Variants in ZNF18 observed in about 807,000 individuals in gnomAD.
ZNF18 encodes zinc finger protein 18, also known as heart development-specific gene 1 protein.
A neutral mutation model predicts 58.1 loss-of-function variants in ZNF18; 42 were observed. The observed-to-expected ratio is 0.72, with a 90% CI of 0.56 to 0.93. ZNF18 has a LOEUF of 0.93. Among genes scored for constraint, ZNF18 ranks in the 40% least tolerant of loss-of-function variants. The probability of loss-of-function intolerance (pLI) is 0.00; values close to 1 mark genes in which losing one functional copy is unlikely to be tolerated. For missense variants in ZNF18, 540 were observed against 644.2 expected, an observed-to-expected ratio of 0.84 and a Z score of 1.75; for synonymous variants, 231 against 239.8, an observed-to-expected ratio of 0.96 and a Z score of 0.34.
chr17:11,985,543 C>T (rs1323919747), intron 4 of ZNF18, among the ~76,000 whole-genome samples: 10 of 152,028 alleles, frequency 6.6e-5, no homozygotes, highest in Admixed American at 5.9e-4. Context: ...AGTATTTATC[C>T]ATTTATTAAC....
chr17:11,991,271 G>T, intron 2 of ZNF18, 108 bp from the exon 3 acceptor site: 2 of 1,066,282 alleles, frequency 1.9e-6, no homozygotes, highest in South Asian at 2.0e-5. Context: ...TTCTAAGGAT[G>T]TGGAGAAAGA....
chr17:12,020,813 C>T, the ZNF18 span: 2 of 642,156 alleles, frequency 3.1e-6, no homozygotes, highest in Non-Finnish European at 4.4e-6. Context: ...TAAGCCTCGC[C>T]CCTCGGCCGT....
chr17:11,994,246 G>A (rs1014180182), intron 1 of ZNF18, among the ~76,000 whole-genome samples: 12 of 152,004 alleles, frequency 7.9e-5, no homozygotes, highest in African/African-American at 1.7e-4. Context: ...CATCCTTACC[G>A]TTTCACCAAA....
At chr17:11,984,729 G>C (rs575574721) in intron 4 of ZNF18, among the ~76,000 whole-genome samples, 1 of 151,994 alleles carries the variant, frequency 6.6e-6, no homozygotes, top group Non-Finnish European at 1.5e-5. Context: ...GGATGGTCTC[G>C]ATCTCCTGAC....
chr17:11,980,719 G>A (rs904042955), intron 6 of ZNF18, among the ~76,000 whole-genome samples: 1 of 152,050 alleles, frequency 6.6e-6, no homozygotes, highest in African/African-American at 2.4e-5. Context: ...GCACCAGCCT[G>A]ATCATGCTAA....
chr17:12,014,917 G>A, the ZNF18 span, among the ~76,000 whole-genome samples: 3 of 152,028 alleles, frequency 2.0e-5, no homozygotes, highest in Admixed American at 6.6e-5. Context: ...GCATGGTGGC[G>A]GGTGCCTGTA....
the ZNF18 span, among the ~76,000 whole-genome samples, chr17:12,004,717 T>C: frequency 1.3e-5 from 2 of 151,848 alleles, no homozygotes; most frequent in African/African-American, 2.4e-5. Context: ...AGAAACCATG[T>C]CTCTACTAAA....
chr17:12,010,671 C>T, the ZNF18 span: 2 of 168,200 alleles, frequency 1.2e-5, no homozygotes, highest in African/African-American at 4.8e-5. Flanking sequence ...CCACCTCACC[C>T]TCCCAAAGTG....
chr17:12,020,352 C>T, the ZNF18 span, among the ~76,000 whole-genome samples: 1 of 152,166 alleles, frequency 6.6e-6, no homozygotes, highest in Non-Finnish European at 1.5e-5. Context: ...ACTCCCCTTT[C>T]CCCTCAGAGA....
chr17:12,010,582 AT>A, the ZNF18 span, among the ~76,000 whole-genome samples: 266 of 151,904 alleles, frequency 1.8e-3, 1 homozygote, highest in African/African-American at 6.1e-3. Context: ...CGCCCAGCTA[AT>A]TTTTTTGTAT....
intron 4 of ZNF18, among the ~76,000 whole-genome samples, chr17:11,987,665 C>T (rs1967837880): frequency 1.3e-5 from 2 of 152,204 alleles, no homozygotes; most frequent in Admixed American, 6.5e-5. Flanking sequence ...GGTGAGGATA[C>T]TCTGTACCTA....
At chr17:11,981,989 G>A (rs543271237) in intron 6 of ZNF18, among the ~76,000 whole-genome samples, 1 of 152,160 alleles carries the variant, frequency 6.6e-6, no homozygotes, top group Admixed American at 6.5e-5. Context: ...TAAGGGTGGA[G>A]TCCTCATGAT....
chr17:12,016,526 C>T, the ZNF18 span, among the ~76,000 whole-genome samples: 1 of 151,976 alleles, frequency 6.6e-6, no homozygotes, highest in Admixed American at 6.6e-5. Context: ...GATGGGGTTT[C>T]GCGATGTTGC....
chr17:11,998,865 G>A (rs1229463649), upstream of ZNF18, among the ~76,000 whole-genome samples: 3 of 146,082 alleles, frequency 2.1e-5, no homozygotes, highest in South Asian at 2.2e-4. Context: ...TGGTGGAGAC[G>A]GGGTTTCACC....
chr17:11,984,393 GT>G (rs1967588563), intron 4 of ZNF18, among the ~76,000 whole-genome samples, 196 bp from the exon 5 acceptor site: 1 of 152,070 alleles, frequency 6.6e-6, no homozygotes, highest in East Asian at 1.9e-4. Flanking sequence ...CCCTATATCA[GT>G]GTTTCTTTCC....
upstream of ZNF18, among the ~76,000 whole-genome samples, chr17:12,000,739 A>T (rs1968642212): frequency 6.6e-6 from 1 of 152,232 alleles, no homozygotes; most frequent in Non-Finnish European, 1.5e-5. Context: ...GAAGAAAGAA[A>T]GAATCATCAA....
chr17:11,982,657 AGTGTGTGTGTGTGTGTGTGT>A (rs143602913), intron 6 of ZNF18, among the ~76,000 whole-genome samples: 1 of 136,720 alleles, frequency 7.3e-6, no homozygotes, highest in Non-Finnish European at 1.6e-5. Context: ...TATATATAAA[AGTGTGTGTGTGTGTGTGTGT>A]GTGTGTGTGT....
upstream of ZNF18, among the ~76,000 whole-genome samples, chr17:11,999,650 T>C (rs745371643): frequency 2.6e-5 from 4 of 152,208 alleles, no homozygotes; most frequent in East Asian, 3.9e-4. Context: ...TATGCAAGAA[T>C]GAACTAAACA....
intron 6 of ZNF18, 140 bp from the exon 7 acceptor site, chr17:11,978,884 GAAAGAAAACTACCA>G: frequency 1.9e-6 from 1 of 535,080 alleles, no homozygotes; most frequent in Non-Finnish European, 2.9e-6. Context: ...TAGTAAGTGA[GAAAGAAAACTACCA>G]TATGGCCCAA....
Sources: allele counts gnomAD v4.1 joint callset (sites outside exome capture counted in the v4.1 genomes callset), GRCh38; gene constraint gnomAD v4.1.1; transcripts MANE v1.5; gene names NCBI Gene and HGNC (gene_info 2026-07-23, HGNC 2026-07-21).